The following KCNJ6 variants were observed in gnomAD, a reference collection of about 807,000 sequenced individuals.
KCNJ6 encodes the protein potassium inwardly rectifying channel subfamily J member 6, also known as G protein-activated inward rectifier potassium channel 2.
KCNJ6 carries 9 observed loss-of-function variants against 34.2 expected under a neutral mutation model. The observed-to-expected ratio is 0.26, with a 90% confidence interval of 0.16 to 0.46. The LOEUF is 0.46. Among genes scored for constraint, KCNJ6 ranks in the 20% least tolerant of loss-of-function variants. KCNJ6 has a pLI of 1.00. For synonymous variants in KCNJ6, 196 were observed against 207.1 expected, an observed-to-expected ratio of 0.95 and a Z score of 0.46; for missense variants, 236 against 531.3, an observed-to-expected ratio of 0.44 and a Z score of 5.46.
At chr21:37,639,899 C>G (rs1326449899) in intron 3 of KCNJ6, among the ~76,000 whole-genome samples, 1 of 152,198 alleles carries the variant, frequency 6.6e-6, no homozygotes, top group African/African-American at 2.4e-5. Flanking sequence ...CCTGCTTCCC[C>G]TTCCCCTTCT....
At chr21:37,631,263 A>G (rs925388179) in intron 3 of KCNJ6, among the ~76,000 whole-genome samples, 5 of 152,170 alleles carry the variant, frequency 3.3e-5, no homozygotes, top group Non-Finnish European at 7.3e-5. Flanking sequence ...CATGTCTGAA[A>G]TGTATTATTA....
In KCNJ6 at chr21:37,618,659, C is replaced by T. The variant is rs950074993; in HGVS notation, c.*6500G>A. ...ATCTGTTTACTATGTGGCCACAATTCTCCGGCCAACCACAGTGCATGTTGG... is the reference window on the plus strand; with the variant it reads ...ATCTGTTTACTATGTGGCCACAATTTTCCGGCCAACCACAGTGCATGTTGG... On this transcript the variant is annotated 3_prime_UTR_variant, in exon 4 of 4. Transcript: ENST00000609713. 6.6e-5 allele frequency: 10 copies of T among 152,286 alleles called. No individual in the cohort carries two copies. In the South Asian group the frequency reaches 1.7e-3, roughly 25 times the overall value. The allele number at this position is 152,286 out of a possible 1,614,324, so 9.4% of individuals were successfully genotyped here. A position where few individuals can be genotyped will look rare whatever the true frequency, so the allele number is the denominator to read the frequency against.
intron 2 of KCNJ6, among the ~76,000 whole-genome samples, chr21:37,750,696 C>T (rs996344095): frequency 5.9e-5 from 9 of 151,296 alleles, no homozygotes; most frequent in Non-Finnish European, 1.2e-4. Context: ...CATGGGGACA[C>T]AGGGAGGGGA....
intron 1 of KCNJ6, among the ~76,000 whole-genome samples, chr21:37,894,270 G>A (rs962105700): frequency 1.3e-5 from 2 of 152,114 alleles, no homozygotes; most frequent in African/African-American, 4.8e-5. Flanking sequence ...AGAATCCCAG[G>A]CCCCACCCCC....
chr21:37,881,161 T>C (rs563839231), intron 1 of KCNJ6, among the ~76,000 whole-genome samples: 1 of 152,238 alleles, frequency 6.6e-6, no homozygotes, highest in Admixed American at 6.5e-5. Context: ...TATCAGGGGC[T>C]GAGCCTAGCA....
intron 2 of KCNJ6, among the ~76,000 whole-genome samples, chr21:37,832,444 A>G (rs2055430840): frequency 1.3e-5 from 2 of 152,086 alleles, no homozygotes; most frequent in Admixed American, 6.6e-5. Flanking sequence ...TACAGGATCT[A>G]CAGAAATCTA....
chr21:37,809,428 T>G (rs1015716004), intron 2 of KCNJ6, among the ~76,000 whole-genome samples: 2 of 151,938 alleles, frequency 1.3e-5, no homozygotes, highest in Non-Finnish European at 2.9e-5. Context: ...TAATGCTAAA[T>G]GACGAGTTAA....
chr21:37,734,559 A>G (rs1238570933), intron 2 of KCNJ6, among the ~76,000 whole-genome samples: 3 of 152,138 alleles, frequency 2.0e-5, no homozygotes, highest in South Asian at 4.2e-4. Context: ...ACTGCAAACT[A>G]TCACCTGTTG....
intron 2 of KCNJ6, among the ~76,000 whole-genome samples, chr21:37,804,299 G>C (rs985306335): frequency 2.0e-5 from 3 of 152,084 alleles, no homozygotes; most frequent in Admixed American, 2.0e-4. Flanking sequence ...GTTAAACATT[G>C]AATTACCACA....
intron 3 of KCNJ6, among the ~76,000 whole-genome samples, chr21:37,666,548 C>T (rs971818310): frequency 2.0e-5 from 3 of 152,076 alleles, no homozygotes; most frequent in Non-Finnish European, 2.9e-5. Context: ...ATGAGGTACC[C>T]GGCCGCCACC....
chr21:37,743,187 T>A (rs2054949652), intron 2 of KCNJ6, among the ~76,000 whole-genome samples: 1 of 152,212 alleles, frequency 6.6e-6, no homozygotes, highest in Non-Finnish European at 1.5e-5. Flanking sequence ...GGTAAGCAAC[T>A]ATGCTTTACT....
chr21:37,764,935 C>T (rs1329866272), intron 2 of KCNJ6, among the ~76,000 whole-genome samples: 2 of 152,236 alleles, frequency 1.3e-5, no homozygotes, highest in African/African-American at 4.8e-5. Context: ...CAAGCCAAAC[C>T]TTCCTTCTCA....
At position 37,701,813 on chromosome 21, in the gene KCNJ6, G is replaced by C. The variant is rs545795262; in HGVS notation, c.946+12398C>G. Among the ~76,000 whole-genome samples, 10 of 152,298 alleles carry C rather than the reference G, an allele frequency of 6.6e-5. No individual in the cohort carries two copies. The East Asian group carries it at 1.3e-3, about 21-fold the overall frequency. On this transcript the variant is annotated intron_variant, in intron 3 of 3. Transcript: ENST00000609713. ...TCAGTTGGGAAGAGGTTGGAGGTGAGAGCAGACAAGCAGGCAGGAGCCAGG... is the reference window on the plus strand; with the variant it reads ...TCAGTTGGGAAGAGGTTGGAGGTGACAGCAGACAAGCAGGCAGGAGCCAGG...
intron 2 of KCNJ6, among the ~76,000 whole-genome samples, chr21:37,758,512 C>A (rs1022118218): frequency 2.0e-5 from 3 of 152,192 alleles, no homozygotes; most frequent in African/African-American, 4.8e-5. Context: ...TTTACCACTG[C>A]GGATTTCAAG....
intron 3 of KCNJ6, among the ~76,000 whole-genome samples, chr21:37,650,407 C>T (rs1255540305): frequency 6.6e-6 from 1 of 152,154 alleles, no homozygotes; most frequent in Admixed American, 6.5e-5. Flanking sequence ...ATAATACCTC[C>T]AGGTTGTTGT....
chr21:37,812,503 T>C (rs73206078), intron 2 of KCNJ6, among the ~76,000 whole-genome samples: 11,683 of 152,236 alleles, frequency 0.077, 512 homozygotes, highest in Middle Eastern at 0.12. Context: ...TGAATATTGA[T>C]GCAAAAATCC....
chr21:37,756,614 TG>T (rs2055026822), intron 2 of KCNJ6, among the ~76,000 whole-genome samples: 1 of 148,732 alleles, frequency 6.7e-6, no homozygotes, highest in Admixed American at 6.6e-5. Flanking sequence ...CCTCACAGTG[TG>T]ATGATTCCAG....
intron 3 of KCNJ6, among the ~76,000 whole-genome samples, chr21:37,629,680 C>A (rs1434559990): frequency 6.6e-6 from 1 of 152,156 alleles, no homozygotes; most frequent in Non-Finnish European, 1.5e-5. Context: ...AGACATCTAC[C>A]ATCCAGCCTT....
chr21:37,704,997 T>A (rs1601427811), intron 3 of KCNJ6, among the ~76,000 whole-genome samples: 2 of 152,260 alleles, frequency 1.3e-5, no homozygotes, highest in South Asian at 4.1e-4. Flanking sequence ...TGGGTAGAAC[T>A]GGAGGGTGGG....
Sources: gnomAD v4.1 joint callset for allele counts (sites outside exome capture counted in the v4.1 genomes callset) on GRCh38, gnomAD v4.1.1 for gene constraint, MANE v1.5 for transcripts, NCBI Gene and HGNC (gene_info 2026-07-23, HGNC 2026-07-21) for gene names.